ANKRD50: variants seen among roughly 807,000 people sequenced by gnomAD.
ANKRD50 encodes ankyrin repeat domain-containing protein 50.
Under a neutral mutation model 112.0 loss-of-function variants are expected in ANKRD50, and 40 were observed. The ratio of observed to expected loss-of-function variants is 0.36; its 90% CI spans 0.28 to 0.46. ANKRD50 has a LOEUF of 0.46. ANKRD50 is among the 20% of genes least tolerant of loss of function. The probability of loss-of-function intolerance (pLI) is 1.00; values close to 1 mark genes in which losing one functional copy is unlikely to be tolerated. For missense variants in ANKRD50, 1,487 were observed against 1,701.7 expected (o/e 0.87, Z 2.22); for synonymous variants, 613 against 619.1 (o/e 0.99, Z 0.15).
At chr4:124,677,627 A>C (rs572898209) in intron 3 of ANKRD50, among the ~76,000 whole-genome samples, 1 of 152,078 alleles carries the variant, frequency 6.6e-6, no homozygotes, top group Admixed American at 6.6e-5. Flanking sequence ...CTATAAGAAA[A>C]GTAATATTAT....
Position 124,669,591 on chromosome 4 carries a change from C to T in ANKRD50, c.3686G>A (p.Arg1229Gln), listed in dbSNP as rs773686715. ...GGAAGATGGGGAAACAATTGACTGT[C>T]GACTTCTACTGCGTGGCAATGAATG... Reference protein sequence around the residue: ...QQHSLPRSRSRQSIVSPSSTT... With the variant: ...QQHSLPRSRSQQSIVSPSSTT... Residue 1229 changes from arginine to glutamine, a missense_variant, in exon 4 of 5, where the codon CGA becomes CAA. Arg to Gln is a conservative substitution (Grantham distance 43). Coordinates refer to ENST00000504087, the MANE Select transcript of ANKRD50 (RefSeq NM_020337.3). 20 of 1,613,370 alleles carry T rather than the reference C, an allele frequency of 1.2e-5. No homozygotes were observed. The highest frequency in any genetic ancestry group is 5.5e-5 in the South Asian group (5 of 91,030).
chr4:124,707,989 T>C (rs879496542), intron 2 of ANKRD50, among the ~76,000 whole-genome samples: 2 of 152,164 alleles, frequency 1.3e-5, no homozygotes, highest in Admixed American at 6.5e-5. Context: ...GAAATTTACA[T>C]ATGAATTTCA....
At position 124,666,188 on chromosome 4, in the gene ANKRD50, C is replaced by T. The variant is rs781325796; in HGVS notation, c.*1330G>A. ...AAACGACCCATCTAAGCTACAGCTC[C>T]ACTGATTTAAGAGTAAGGAGACTAA... On this transcript the variant is annotated 3_prime_UTR_variant, in exon 5 of 5. Coordinates refer to ENST00000504087, the MANE Select transcript of ANKRD50 (RefSeq NM_020337.3). 3 of 152,362 alleles carry T rather than the reference C, an allele frequency of 2.0e-5. No homozygotes were observed. Among genetic ancestry groups the T allele is most frequent in the Non-Finnish European group, 2.9e-5 (2 of 67,904 alleles). 9.4% of individuals were successfully genotyped at this position (152,362 alleles called of 1,614,324 possible).
At chr4:124,677,112 G>T (rs1730791238) in intron 3 of ANKRD50, among the ~76,000 whole-genome samples, 1 of 151,564 alleles carries the variant, frequency 6.6e-6, no homozygotes, top group Admixed American at 6.6e-5. Context: ...AATAACTTTA[G>T]CAATATCCTT....
Position 124,671,918 on chromosome 4 carries a change from T to C in ANKRD50, c.1359A>G (p.Gln453=), listed in dbSNP as rs771312306. 1.2e-6 allele frequency: 2 copies of C among 1,613,902 alleles called. No homozygotes were observed. The highest frequency in any genetic ancestry group is 1.7e-6 in the Non-Finnish European group (2 of 1,179,874). The part of the protein sequence containing the change: ...QAKNLTPLEA[Q]EFALHLINSN... ...AGTTAATTAAGTGCAATGCAAATTC[T>C]TGTGCTTCCAATGGTGTTAAATTCT... Residue 453 remains glutamine, a synonymous_variant, in exon 4 of 5, where the codon CAA becomes CAG. Coordinates refer to ENST00000504087, the MANE Select transcript of ANKRD50 (RefSeq NM_020337.3).
rs143227009 is a variant in ANKRD50, at chr4:124,698,130, T to G, written c.512+11870A>C. Among the ~76,000 whole-genome samples the G allele has an allele frequency of 1.1e-4, 16 of 149,450 alleles. 1 individual carries two copies. The highest frequency in any genetic ancestry group is 3.0e-4 in the African/African-American group (12 of 40,658). ...CTAGTACAAGATATTTGAATAATGA[T>G]GGGAAAGGGTAAAGTGCTTAAATAT... is the stretch of plus-strand genomic sequence containing the variant. On this transcript the variant is annotated intron_variant, in intron 2 of 4. Transcript: ENST00000504087.
chr4:124,668,044 T>C (rs965153337), intron 4 of ANKRD50, among the ~76,000 whole-genome samples: 1 of 151,890 alleles, frequency 6.6e-6, no homozygotes, highest in African/African-American at 2.4e-5. Context: ...GTGGGATAAA[T>C]ATAGCTGCAG....
At chr4:124,702,557 G>A (rs981642634) in intron 2 of ANKRD50, among the ~76,000 whole-genome samples, 4 of 152,086 alleles carry the variant, frequency 2.6e-5, no homozygotes, top group African/African-American at 9.7e-5. Flanking sequence ...GCTCCCAGGT[G>A]ATGCTAATAT....
chr4:124,702,161 C>A (rs2110526483), intron 2 of ANKRD50, among the ~76,000 whole-genome samples: 1 of 152,206 alleles, frequency 6.6e-6, no homozygotes, highest in Admixed American at 6.5e-5. Flanking sequence ...GAGGCATAAC[C>A]AAATTATTAA....
intron 4 of ANKRD50, among the ~76,000 whole-genome samples, chr4:124,668,753 C>G (rs113149539): frequency 1.3e-5 from 2 of 152,074 alleles, no homozygotes; most frequent in African/African-American, 4.8e-5. Flanking sequence ...AAGAAAACAT[C>G]TGAAGTATTT....
Position 124,670,605 on chromosome 4 carries a change from C to T in ANKRD50, c.2672G>A (p.Gly891Asp), listed in dbSNP as rs1730621375. The change falls in exon 4 of 5, where the codon GGT (glycine) becomes GAT (aspartate). Residue 891 changes from glycine (G) to aspartate (D), a missense_variant. This residue lies in a region of ANKRD50 where 1,046 missense variants were observed against 1,269.5 expected (regional missense o/e 0.82). Coordinates refer to ENST00000504087, the MANE Select transcript of ANKRD50 (RefSeq NM_020337.3). Reference sequence around the variant, plus strand: ...TAATATTTGAACACAATCATAATGACCCTCTTGTGAAGCTAATATGAAAGG... The same window carrying T: ...TAATATTTGAACACAATCATAATGATCCTCTTGTGAAGCTAATATGAAAGG... ...RIPFILASQE[G>D]HYDCVQILLE... is the part of the protein sequence containing the mutation. The T allele has an allele frequency of 7.4e-6, 12 of 1,613,518 alleles. No homozygotes were observed. Among genetic ancestry groups the T allele is most frequent in the Non-Finnish European group, 1.0e-5 (12 of 1,179,792 alleles).
At chr4:124,675,614 CT>C (rs1730756287) in intron 3 of ANKRD50, among the ~76,000 whole-genome samples, 1 of 151,714 alleles carries the variant, frequency 6.6e-6, no homozygotes, top group African/African-American at 2.4e-5. Context: ...ATTAAGCACT[CT>C]TATTAGTATC....
chr4:124,679,130 G>T (rs1259536172), intron 2 of ANKRD50, among the ~76,000 whole-genome samples: 4 of 152,176 alleles, frequency 2.6e-5, no homozygotes, highest in African/African-American at 9.7e-5. Context: ...GTAGGTGGGT[G>T]TGTGGGTGTG....
chr4:124,704,482 G>T (rs2110528001), intron 2 of ANKRD50, among the ~76,000 whole-genome samples: 1 of 152,282 alleles, frequency 6.6e-6, no homozygotes, highest in South Asian at 2.1e-4. Flanking sequence ...TTAATACATG[G>T]TAAAGAACAG....
chr4:124,685,280 T>C (rs984452302), intron 2 of ANKRD50, among the ~76,000 whole-genome samples: 2 of 152,188 alleles, frequency 1.3e-5, no homozygotes, highest in Admixed American at 6.5e-5. Flanking sequence ...AAACACTCAA[T>C]AAATTTGCTT....
At chr4:124,698,543 GGATA>G (rs1321712439) in intron 2 of ANKRD50, among the ~76,000 whole-genome samples, 2 of 151,990 alleles carry the variant, frequency 1.3e-5, no homozygotes, top group East Asian at 1.9e-4. Context: ...GCAAGGGAAT[GGATA>G]GTTAGTGTTT....
chr4:124,674,764 A>C (rs1730734123), intron 3 of ANKRD50, among the ~76,000 whole-genome samples: 1 of 151,824 alleles, frequency 6.6e-6, no homozygotes. Context: ...AGAATTTATA[A>C]TTTAGAGAAT....
chr4:124,700,670 G>A lies in ANKRD50; in HGVS notation c.512+9330C>T, dbSNP rs141979872. ...TGTATCGTTAGCTATTTTCACAATA[G>A]TGGTATATCATAAACACCCCAAAAC... On this transcript the variant is annotated intron_variant, in intron 2 of 4. Coordinates refer to ENST00000504087, the MANE Select transcript of ANKRD50 (RefSeq NM_020337.3). Among the ~76,000 whole-genome samples the A allele has an allele frequency of 3.1e-3, 470 of 152,244 alleles. 1 individual carries two copies. The highest frequency in any genetic ancestry group is 0.011 in the African/African-American group (444 of 41,536).
At position 124,712,081 on chromosome 4, in the gene ANKRD50, A is replaced by C. The variant is rs553243763; in HGVS notation, c.-764+377T>G. 1.5e-4 allele frequency among the ~76,000 whole-genome samples: 23 copies of C among 152,106 alleles called. No individual in the cohort carries two copies. In the South Asian group the frequency reaches 4.8e-3, roughly 32 times the overall value. ...GAACCGCCCAGAGGAGCCACAGGGG[A>C]GCCACCTCAGAGAGGCCACGAGCGA... On this transcript the variant is annotated intron_variant, in intron 1 of 4. Transcript: ENST00000504087.
Sources: allele counts gnomAD v4.1 joint callset (sites outside exome capture counted in the v4.1 genomes callset), GRCh38; gene constraint gnomAD v4.1.1; regional missense constraint gnomAD v4.1.1; transcripts MANE v1.5; gene names NCBI Gene and HGNC (gene_info 2026-07-23, HGNC 2026-07-21).